IL1RAPL1: variants seen among roughly 807,000 people sequenced by gnomAD.
The protein encoded by IL1RAPL1 is interleukin-1 receptor accessory protein-like 1.
Under a neutral mutation model 48.4 loss-of-function variants are expected in IL1RAPL1, and 3 were observed. That is an observed-to-expected ratio of 0.06 (90% CI 0.03 to 0.16). The LOEUF (loss-of-function observed/expected upper bound fraction) is 0.16, where lower values mean the gene tolerates loss of function less well. IL1RAPL1 is among the 10% of genes least tolerant of loss of function. The pLI is 1.00. For missense variants in IL1RAPL1, 349 were observed against 530.6 expected (o/e 0.66, Z 3.36); for synonymous variants, 185 against 187.7 (o/e 0.99, Z 0.12).
chrX:29,761,064 C>G (rs1280255020), intron 6 of IL1RAPL1, among the ~76,000 whole-genome samples: 1 of 112,053 alleles, frequency 8.9e-6, no homozygotes, highest in Non-Finnish European at 1.9e-5. Flanking sequence ...CAAGAAAACA[C>G]TGAAACAAGC....
At chrX:28,660,243 T>C (rs1221798142) in intron 1 of IL1RAPL1, among the ~76,000 whole-genome samples, 1 of 109,969 alleles carries the variant, frequency 9.1e-6, no homozygotes, top group Admixed American at 9.9e-5. Flanking sequence ...TTGAAATACT[T>C]TTGACCCCTA....
At chrX:29,019,604 T>C (rs767669197) in intron 2 of IL1RAPL1, among the ~76,000 whole-genome samples, 1 of 110,998 alleles carries the variant, frequency 9.0e-6, no homozygotes, top group Admixed American at 9.6e-5. Flanking sequence ...GGGATAAAAT[T>C]GAGGTAGTTG....
chrX:29,288,449 T>C (rs1421560615), intron 3 of IL1RAPL1, among the ~76,000 whole-genome samples: 4 of 111,950 alleles, frequency 3.6e-5, no homozygotes, highest in African/African-American at 1.3e-4. Context: ...CTGAGGATAC[T>C]GGCTTCCAGC....
chrX:29,344,500 G>A (rs1035534567), intron 3 of IL1RAPL1, among the ~76,000 whole-genome samples: 1 of 111,065 alleles, frequency 9.0e-6, no homozygotes, highest in Non-Finnish European at 1.9e-5. Flanking sequence ...TTTTTAATTA[G>A]ACAAATGATA....
chrX:28,748,012 C>A (rs1322554236), intron 1 of IL1RAPL1, among the ~76,000 whole-genome samples: 5 of 112,111 alleles, frequency 4.5e-5, no homozygotes, highest in African/African-American at 1.6e-4. Context: ...TTCTCTAGTT[C>A]AATCTAATCT....
rs753175509 is a variant in IL1RAPL1, at chrX:28,662,523, G to A, written c.-25+74476G>A. On this transcript the variant is annotated intron_variant, in intron 1 of 10. Transcript: ENST00000378993. ...AGTTTTAGAATTGGATAGGGTGTGA[G>A]TTTGACTCCCAGGATTCTGGCTTGG... 6.8e-4 allele frequency among the ~76,000 whole-genome samples: 76 copies of A among 111,614 alleles called. No individual in the cohort carries two copies. The South Asian group carries it at 0.027, about 39-fold the overall frequency.
intron 5 of IL1RAPL1, among the ~76,000 whole-genome samples, chrX:29,551,670 A>T (rs1026439700): frequency 9.0e-6 from 1 of 111,610 alleles, no homozygotes; most frequent in African/African-American, 3.3e-5. Context: ...GCTCATTAAT[A>T]TATTCATCTC....
intron 1 of IL1RAPL1, among the ~76,000 whole-genome samples, chrX:28,641,623 A>G (rs1197224013): frequency 9.0e-6 from 1 of 111,663 alleles, no homozygotes; most frequent in Non-Finnish European, 1.9e-5. Flanking sequence ...TTCTGGTTCT[A>G]CATCTTTGAG....
At chrX:28,742,386 G>C (rs12863480) in intron 1 of IL1RAPL1, among the ~76,000 whole-genome samples, 1,277 of 111,530 alleles carry the variant, frequency 0.011, 6 homozygotes, top group Non-Finnish European at 0.018. Flanking sequence ...TTGAGTACCT[G>C]CATATGTTAG....
chrX:29,555,091 T>C (rs898684091), intron 5 of IL1RAPL1, among the ~76,000 whole-genome samples: 1 of 112,904 alleles, frequency 8.9e-6, no homozygotes, highest in African/African-American at 3.2e-5. Context: ...CCACCTGTTA[T>C]ATTTGAATAA....
intron 1 of IL1RAPL1, among the ~76,000 whole-genome samples, chrX:28,711,039 T>G (rs1228014791): frequency 9.0e-6 from 1 of 111,536 alleles, no homozygotes; most frequent in African/African-American, 3.3e-5. Flanking sequence ...TCACTCTGAT[T>G]GGTGTGTTGA....
intron 2 of IL1RAPL1, among the ~76,000 whole-genome samples, chrX:29,167,766 G>GC (rs994174083): frequency 9.1e-5 from 10 of 109,906 alleles, no homozygotes; most frequent in African/African-American, 9.9e-5. Context: ...AATTAAGCAT[G>GC]CCCCCCCACC....
At chrX:28,637,055 T>C (rs943889053) in intron 1 of IL1RAPL1, among the ~76,000 whole-genome samples, 2 of 111,242 alleles carry the variant, frequency 1.8e-5, no homozygotes, top group African/African-American at 6.5e-5. Flanking sequence ...ATTAGAAAAT[T>C]TGAAGGAAAA....
At chrX:28,980,831 G>A (rs930048141) in intron 2 of IL1RAPL1, among the ~76,000 whole-genome samples, 30 of 109,490 alleles carry the variant, frequency 2.7e-4, no homozygotes, top group African/African-American at 9.3e-4. Context: ...GCTCACACCT[G>A]TAATCCCAGC....
At chrX:29,148,666 A>G (rs1008245857) in intron 2 of IL1RAPL1, among the ~76,000 whole-genome samples, 6 of 111,983 alleles carry the variant, frequency 5.4e-5, no homozygotes, top group Non-Finnish European at 9.4e-5. Flanking sequence ...ACCACATTGA[A>G]ACAATCGTAT....
At chrX:29,406,182 G>T (rs897546539) in intron 5 of IL1RAPL1, among the ~76,000 whole-genome samples, 11 of 111,369 alleles carry the variant, frequency 9.9e-5, no homozygotes, top group Non-Finnish European at 2.1e-4. Flanking sequence ...AAGGTCAGGA[G>T]ATCAAGACCA....
In IL1RAPL1 at chrX:29,724,621, A is replaced by G. The variant is rs1385510489; in HGVS notation, c.778+56117A>G. ...AAATAAATATGCTGCAAGGCAGTCT[A>G]GGTAATAATTATTTACACTCTAGAG... On this transcript the variant is annotated intron_variant, in intron 6 of 10. Transcript: ENST00000378993. Among the ~76,000 whole-genome samples the G allele has an allele frequency of 2.7e-5, 3 of 112,092 alleles. No homozygotes were observed. The East Asian group carries it at 8.4e-4, about 31-fold the overall frequency.
At chrX:28,920,646 C>T (rs1487192798) in intron 2 of IL1RAPL1, among the ~76,000 whole-genome samples, 1 of 111,780 alleles carries the variant, frequency 8.9e-6, no homozygotes, top group Non-Finnish European at 1.9e-5. Flanking sequence ...TAAATGGTGA[C>T]TGAAGTACTT....
intron 6 of IL1RAPL1, among the ~76,000 whole-genome samples, chrX:29,766,185 G>T (rs981617595): frequency 1.9e-5 from 2 of 104,821 alleles, no homozygotes; most frequent in Admixed American, 2.1e-4. Context: ...AAAATTAGCC[G>T]GGCATGGTGG....
Sources: allele counts gnomAD v4.1 joint callset (sites outside exome capture counted in the v4.1 genomes callset), GRCh38; gene constraint gnomAD v4.1.1; transcripts MANE v1.5; gene names NCBI Gene and HGNC (gene_info 2026-07-23, HGNC 2026-07-21).